Variants in DOCK10 observed in about 807,000 individuals in gnomAD.
DOCK10 encodes dedicator of cytokinesis protein 10.
A neutral mutation model predicts 280.1 loss-of-function variants in DOCK10; 145 were observed. The observed-to-expected ratio is 0.52, with a 90% CI of 0.45 to 0.59. DOCK10 has a LOEUF of 0.59. Among genes scored for constraint, DOCK10 ranks in the 20% least tolerant of loss-of-function variants. DOCK10 has a pLI of 0.00. For missense variants in DOCK10, 2,368 were observed against 2,651.7 expected (o/e 0.89, Z 2.35); for synonymous variants, 915 against 942.2 (o/e 0.97, Z 0.53).
At chr2:224,833,485 A>C (rs61379251) in intron 26 of DOCK10, among the ~76,000 whole-genome samples, 44,338 of 149,870 alleles carry the variant, frequency 0.3, 7,785 homozygotes, top group African/African-American at 0.49. Flanking sequence ...TTCGCCTTCA[A>C]ATTTTTTTTT....
rs546008342 is a variant in DOCK10 at position 224,765,357 on chromosome 2, T to C, written c.*364A>G. On this transcript the variant is annotated 3_prime_UTR_variant, in exon 56 of 56. Transcript: ENST00000258390. ...AAACCGTATATTTTACAATCTTTTA[T>C]TTACATCTGAAATATGCTTAAATGT... 6.2e-6 allele frequency: 1 copy of C among 162,184 alleles called. No homozygotes were observed. Among genetic ancestry groups the C allele is most frequent in the South Asian group, 1.9e-4 (1 of 5,152 alleles). 10.0% of individuals were successfully genotyped at this position (162,184 alleles called of 1,614,324 possible).
intron 1 of DOCK10, among the ~76,000 whole-genome samples, chr2:225,009,787 T>C (rs923444685): frequency 1.3e-5 from 2 of 152,226 alleles, no homozygotes; most frequent in Non-Finnish European, 2.9e-5. Flanking sequence ...TTTGACTCAA[T>C]AGTACGCTGG....
intron 53 of DOCK10, among the ~76,000 whole-genome samples, chr2:224,772,227 G>T (rs905031461): frequency 1.3e-5 from 2 of 152,010 alleles, no homozygotes; most frequent in African/African-American, 4.8e-5. Context: ...GGACTTCTTT[G>T]GCTTTTAGGG....
In DOCK10 at chr2:224,875,697, T is replaced by C. The variant is rs891563758; in HGVS notation, c.931+341A>G. Reference sequence around the variant, plus strand: ...TTGCCTTTACAGAGCATAAGATTCATTAATTAAATTTAATGAAAGGCTAAA... The same window carrying C: ...TTGCCTTTACAGAGCATAAGATTCACTAATTAAATTTAATGAAAGGCTAAA... On this transcript the variant is annotated intron_variant, in intron 8 of 55. Transcript: ENST00000258390. Among the ~76,000 whole-genome samples, 3 of 152,150 alleles carry C rather than the reference T, an allele frequency of 2.0e-5. No homozygotes were observed. The South Asian group carries it at 6.2e-4, about 32-fold the overall frequency.
chr2:224,854,918 CA>C lies in DOCK10; in HGVS notation c.1888+44del, dbSNP rs779001540. On this transcript the variant is annotated intron_variant, in intron 16 of 55. Transcript: ENST00000258390. ...AACCAAAACAAACCCACTAAATATT[CA>C]ATATTCAAAACTCTGCAACCAAACC... 6.8e-6 allele frequency: 10 copies of C among 1,461,856 alleles called. No homozygotes were observed. In the South Asian group the frequency reaches 1.2e-4, roughly 18 times the overall value. The allele number at this position is 1,461,856 out of a possible 1,614,324, so 90.6% of individuals were successfully genotyped here.
At chr2:224,944,661 T>C (rs1703294650) in intron 1 of DOCK10, among the ~76,000 whole-genome samples, 1 of 152,234 alleles carries the variant, frequency 6.6e-6, no homozygotes, top group African/African-American at 2.4e-5. Context: ...GATATCTGTT[T>C]CAAATCCTAG....
At chr2:224,999,638 G>A (rs1706372808) in intron 1 of DOCK10, among the ~76,000 whole-genome samples, 1 of 151,502 alleles carries the variant, frequency 6.6e-6, no homozygotes, top group Non-Finnish European at 1.5e-5. Context: ...TCCTCTGGGA[G>A]CTTATATTTT....
intron 25 of DOCK10, among the ~76,000 whole-genome samples, chr2:224,836,677 G>A (rs963742501): frequency 4.0e-5 from 6 of 150,722 alleles, no homozygotes; most frequent in Non-Finnish European, 8.8e-5. Flanking sequence ...TTGGCTCACT[G>A]CAAGCTCTGC....
chr2:224,824,525 C>T (rs1694721359), intron 27 of DOCK10, among the ~76,000 whole-genome samples: 1 of 147,968 alleles, frequency 6.8e-6, no homozygotes, highest in Non-Finnish European at 1.5e-5. Context: ...CAACCTCTAC[C>T]TCCTCAGTTT....
At chr2:224,796,275 T>TA (rs1217413663) in intron 44 of DOCK10, 41 bp downstream of exon 44, 3 of 1,272,616 alleles carry the variant, frequency 2.4e-6, no homozygotes, top group East Asian at 2.5e-5. Context: ...ACTTCAGATT[T>TA]AAAAAAATTC....
At chr2:224,807,817 A>C in intron 32 of DOCK10, 33 bp from the exon 33 acceptor site, 1 of 1,566,322 alleles carries the variant, frequency 6.4e-7, no homozygotes, top group Non-Finnish European at 8.7e-7. Context: ...GAAATGATTC[A>C]TGTAAAAATC....
chr2:224,993,744 C>T (rs1706193031), intron 1 of DOCK10, among the ~76,000 whole-genome samples: 1 of 152,170 alleles, frequency 6.6e-6, no homozygotes, highest in Non-Finnish European at 1.5e-5. Flanking sequence ...CCAATGTGGC[C>T]AAGCTGACAG....
chr2:224,941,681 T>C (rs1484262105), intron 1 of DOCK10, among the ~76,000 whole-genome samples: 1 of 151,746 alleles, frequency 6.6e-6, no homozygotes, highest in Non-Finnish European at 1.5e-5. Context: ...CCGTCTCTAC[T>C]AAAAATACAA....
Position 224,840,024 on chromosome 2 carries a change from T to G in DOCK10, c.2710A>C (p.Ile904Leu), listed in dbSNP as rs1274279868. Reference sequence around the variant, plus strand: ...ACTTTGAAGAGCTGATTCAAAATTATAGGCAGAAAACTCATGATTGCATGA... The same window carrying G: ...ACTTTGAAGAGCTGATTCAAAATTAGAGGCAGAAAACTCATGATTGCATGA... ...KIHAIMSFLPIILNQLFKVLV... is the reference protein window; with the variant it reads ...KIHAIMSFLPLILNQLFKVLV... Residue 904 changes from isoleucine to leucine, a missense_variant, in exon 24 of 56, where the codon ATA (isoleucine) becomes CTA (leucine). This residue lies in a region of DOCK10 where 1,209 missense variants were observed against 1,250.9 expected (regional missense o/e 0.97). Coordinates refer to ENST00000258390, the MANE Select transcript of DOCK10 (RefSeq NM_014689.3). The G allele has an allele frequency of 6.4e-7, 1 of 1,565,046 alleles. No homozygotes were observed. Among genetic ancestry groups the G allele is most frequent in the Admixed American group, 1.9e-5 (1 of 53,622 alleles).
At chr2:225,041,912 T>A in intron 1 of DOCK10, among the ~76,000 whole-genome samples, 1 of 152,272 alleles carries the variant, frequency 6.6e-6, no homozygotes, top group East Asian at 1.9e-4. Flanking sequence ...CTGGCACTCG[T>A]ATCACTTAGC....
Position 224,871,213 on chromosome 2 carries a change from T to C in DOCK10, c.1257+2783A>G, listed in dbSNP as rs534709380. Among the ~76,000 whole-genome samples, 4 of 152,182 alleles carry C rather than the reference T, an allele frequency of 2.6e-5. No homozygotes were observed. The East Asian group carries it at 7.7e-4, about 29-fold the overall frequency. On this transcript the variant is annotated intron_variant, in intron 11 of 55. Coordinates refer to ENST00000258390, the MANE Select transcript of DOCK10 (RefSeq NM_014689.3). ...CAAGTGAAACATGTTCATAATGGTA[T>C]TTTTGACCTGTATTGTGCAAATCTC... is the stretch of plus-strand genomic sequence containing the variant.
intron 41 of DOCK10, 127 bp downstream of exon 41, chr2:224,800,024 T>C: frequency 3.7e-6 from 2 of 538,368 alleles, no homozygotes. Flanking sequence ...CCACTCACAC[T>C]TAGGTTGATT....
intron 1 of DOCK10, among the ~76,000 whole-genome samples, chr2:225,022,586 A>G (rs965914440): frequency 6.6e-6 from 1 of 152,204 alleles, no homozygotes; most frequent in Non-Finnish European, 1.5e-5. Flanking sequence ...AAGAACAAAA[A>G]CCTTCTAACA....
At chr2:224,914,147 T>C (rs1027497448) in intron 3 of DOCK10, among the ~76,000 whole-genome samples, 1 of 152,136 alleles carries the variant, frequency 6.6e-6, no homozygotes, top group Non-Finnish European at 1.5e-5. Flanking sequence ...GATAGTTGAG[T>C]AGTATTTGTT....
Sources: gnomAD v4.1 joint callset for allele counts (sites outside exome capture counted in the v4.1 genomes callset) on GRCh38, gnomAD v4.1.1 for gene constraint, gnomAD v4.1.1 regional missense constraint, MANE v1.5 for transcripts, NCBI Gene and HGNC (gene_info 2026-07-23, HGNC 2026-07-21) for gene names.